SPON1: variants seen among roughly 807,000 people sequenced by gnomAD.
SPON1 encodes the protein spondin-1.
SPON1 carries 52 observed loss-of-function variants against 111.7 expected under a neutral mutation model. That is an observed-to-expected ratio of 0.47 (90% CI 0.37 to 0.59). The LOEUF (loss-of-function observed/expected upper bound fraction) is 0.59, where lower values mean the gene tolerates loss of function less well. Ranked by LOEUF, SPON1 falls within the 20% of genes least tolerant of loss-of-function variation. The pLI is 0.00. For synonymous variants in SPON1, 410 were observed against 395.8 expected, an observed-to-expected ratio of 1.04 and a Z score of -0.43; for missense variants, 957 against 1,068.5, an observed-to-expected ratio of 0.90 and a Z score of 1.46.
At chr11:14,045,843 A>C (rs1848664543) in intron 3 of SPON1, among the ~76,000 whole-genome samples, 3 of 151,956 alleles carry the variant, frequency 2.0e-5, no homozygotes, top group Non-Finnish European at 4.4e-5. Context: ...CTAATCAGTC[A>C]AAAGTTTGAA....
intron 5 of SPON1, among the ~76,000 whole-genome samples, chr11:14,109,951 G>A (rs1248985007): frequency 6.6e-6 from 1 of 152,138 alleles, no homozygotes; most frequent in South Asian, 2.1e-4. Context: ...CTACTCCTGC[G>A]TCACAGCACA....
At chr11:14,062,417 C>A (rs1335569171) in intron 3 of SPON1, among the ~76,000 whole-genome samples, 1 of 152,168 alleles carries the variant, frequency 6.6e-6, no homozygotes, top group African/African-American at 2.4e-5. Context: ...GGGTACTAGA[C>A]ACATGGAAGG....
At chr11:14,034,877 C>T (rs1160257513) in intron 2 of SPON1, among the ~76,000 whole-genome samples, 3 of 152,200 alleles carry the variant, frequency 2.0e-5, no homozygotes, top group Non-Finnish European at 4.4e-5. Flanking sequence ...CCAGTGTAGT[C>T]ACCCAGAACC....
At chr11:14,066,925 C>T (rs552494712) in intron 3 of SPON1, among the ~76,000 whole-genome samples, 48 of 152,272 alleles carry the variant, frequency 3.2e-4, no homozygotes, top group African/African-American at 9.9e-4. Flanking sequence ...CCTGTAATCC[C>T]AGCACTTTGA....
chr11:14,235,331 C>A lies in SPON1; in HGVS notation c.826-8001C>A, dbSNP rs79392811. On this transcript the variant is annotated intron_variant, in intron 6 of 15. Transcript: ENST00000576479. ...ATAGTACAGCAGTGAGCAAAACAGA[C>A]AAACACCCTCGCCCTCTTGGAGCTT... 5.5e-3 allele frequency among the ~76,000 whole-genome samples: 834 copies of A among 152,310 alleles called. 22 individuals are homozygous for A. The East Asian group carries it at 0.079, about 14-fold the overall frequency.
At chr11:14,121,648 G>A (rs1847390385) in intron 5 of SPON1, among the ~76,000 whole-genome samples, 1 of 152,122 alleles carries the variant, frequency 6.6e-6, no homozygotes, top group Non-Finnish European at 1.5e-5. Context: ...CAGTGAAGAA[G>A]AGATTAAAGG....
chr11:14,061,418 T>C (rs1848790344), intron 3 of SPON1, among the ~76,000 whole-genome samples: 1 of 152,264 alleles, frequency 6.6e-6, no homozygotes, highest in Admixed American at 6.5e-5. Flanking sequence ...CTAATTCTGT[T>C]ATCCATCATT....
intron 6 of SPON1, among the ~76,000 whole-genome samples, chr11:14,193,373 C>T (rs1304077771): frequency 1.3e-5 from 2 of 152,200 alleles, no homozygotes; most frequent in East Asian, 3.9e-4. Flanking sequence ...GAAGGTACCC[C>T]ATGCCGAACC....
rs1396097622 is a variant in SPON1 at position 13,962,764 on chromosome 11, G to T, written c.-141G>T. On this transcript the variant is annotated 5_prime_UTR_variant, in exon 1 of 16. Coordinates refer to ENST00000576479, the MANE Select transcript of SPON1 (RefSeq NM_006108.4). ...GCGGCCGCCAAGCCGAGGCGGGCAC[G>T]GTCTCCGAGTCGCGGACGCCAGCTC... is the stretch of plus-strand genomic sequence containing the variant. The T allele has an allele frequency of 1.4e-6, 1 of 739,416 alleles. No individual in the cohort carries two copies. Among genetic ancestry groups the T allele is most frequent in the Non-Finnish European group, 2.0e-6 (1 of 492,616 alleles). 45.8% of individuals were successfully genotyped at this position (739,416 alleles called of 1,614,324 possible).
At chr11:13,973,518 G>A (rs1354242056) in intron 1 of SPON1, among the ~76,000 whole-genome samples, 6 of 152,164 alleles carry the variant, frequency 3.9e-5, no homozygotes, top group Non-Finnish European at 5.9e-5. Context: ...GCTGTTCCAC[G>A]ACGAGGTCAC....
At chr11:14,056,130 C>T (rs1470590343) in intron 3 of SPON1, among the ~76,000 whole-genome samples, 1 of 152,140 alleles carries the variant, frequency 6.6e-6, no homozygotes, top group Non-Finnish European at 1.5e-5. Context: ...ATTTTAGACA[C>T]CCAGTGCCTC....
chr11:14,248,454 C>G (rs1478868592), intron 7 of SPON1, among the ~76,000 whole-genome samples: 2 of 152,082 alleles, frequency 1.3e-5, no homozygotes, highest in African/African-American at 4.8e-5. Flanking sequence ...ACCTACCCCT[C>G]AGACTTCCTG....
chr11:14,027,482 CTGACATAGT>C (rs1376957308), intron 2 of SPON1, among the ~76,000 whole-genome samples: 1 of 152,194 alleles, frequency 6.6e-6, no homozygotes, highest in Non-Finnish European at 1.5e-5. Context: ...TTTAAATGAG[CTGACATAGT>C]TAATACAAAT....
intron 6 of SPON1, among the ~76,000 whole-genome samples, chr11:14,213,726 G>C (rs1182942827): frequency 6.6e-6 from 1 of 152,166 alleles, no homozygotes; most frequent in African/African-American, 2.4e-5. Flanking sequence ...AAGGGAAATG[G>C]AAATAAATAT....
chr11:14,176,352 A>G (rs897816258), intron 6 of SPON1, among the ~76,000 whole-genome samples: 1 of 152,138 alleles, frequency 6.6e-6, no homozygotes, highest in Non-Finnish European at 1.5e-5. Flanking sequence ...AACCGCCTCA[A>G]AATCTTTCTG....
chr11:14,172,589 G>A (rs1315787941), intron 6 of SPON1, among the ~76,000 whole-genome samples: 7 of 151,922 alleles, frequency 4.6e-5, no homozygotes, highest in South Asian at 2.1e-4. Flanking sequence ...TCCTAGCCTC[G>A]ATGGTCTTTA....
At chr11:14,065,110 C>T (rs1554920234) in intron 3 of SPON1, among the ~76,000 whole-genome samples, 1 of 152,168 alleles carries the variant, frequency 6.6e-6, no homozygotes, top group African/African-American at 2.4e-5. Context: ...CAAGCATCTC[C>T]CAACAGCCAG....
intron 2 of SPON1, among the ~76,000 whole-genome samples, chr11:14,017,379 A>G (rs1848451315): frequency 6.6e-6 from 1 of 152,232 alleles, no homozygotes; most frequent in African/African-American, 2.4e-5. Flanking sequence ...TTTTCAGACT[A>G]TGCTTTAAAG....
Position 14,075,364 on chromosome 11 carries a change from C to T in SPON1, c.499C>T (p.Arg167Cys), listed in dbSNP as rs1848909076. Residue 167 changes from arginine (R) to cysteine (C), a missense_variant, in exon 4 of 16, where the codon CGC becomes TGC. This residue lies in a region of SPON1 where 262 missense variants were observed against 253.9 expected (regional missense o/e 1.03). Transcript: ENST00000576479. ...VILKASIVQK[R>C]IIYFQDEGSL... ...TCACAGGGCCAGCATCGTACAAAAA[C>T]GCATTATTTATTTTCAAGATGAGGG... 2.6e-6 allele frequency: 4 copies of T among 1,560,200 alleles called. No individual in the cohort carries two copies. Among genetic ancestry groups the T allele is most frequent in the South Asian group, 1.2e-5 (1 of 84,586 alleles).
Sources: gnomAD v4.1 joint callset for allele counts (sites outside exome capture counted in the v4.1 genomes callset) on GRCh38, gnomAD v4.1.1 for gene constraint, gnomAD v4.1.1 regional missense constraint, MANE v1.5 for transcripts, NCBI Gene and HGNC (gene_info 2026-07-23, HGNC 2026-07-21) for gene names.